Variants in GPHN observed in about 807,000 individuals in gnomAD.
GPHN encodes the protein gephyrin.
GPHN carries 17 observed loss-of-function variants against 95.5 expected under a neutral mutation model. The ratio of observed to expected loss-of-function variants is 0.18; its 90% CI spans 0.12 to 0.27. GPHN has a LOEUF of 0.27. Ranked by LOEUF, GPHN falls within the 10% of genes least tolerant of loss-of-function variation. GPHN has a pLI of 1.00. For synonymous variants in GPHN, 320 were observed against 322.5 expected (o/e 0.99, Z 0.08); for missense variants, 660 against 978.1 (o/e 0.67, Z 4.34).
At chr14:67,404,056 T>A in the GPHN span, among the ~76,000 whole-genome samples, 1 of 151,190 alleles carries the variant, frequency 6.6e-6, no homozygotes, top group African/African-American at 2.4e-5. Flanking sequence ...GCCAAAAAAA[T>A]TTTTGAAAGA....
the GPHN span, among the ~76,000 whole-genome samples, chr14:67,345,402 CAA>C: frequency 3.3e-5 from 5 of 151,728 alleles, no homozygotes; most frequent in Non-Finnish European, 7.4e-5. Flanking sequence ...ACAAAAAATA[CAA>C]AAGTTAGCCA....
the GPHN span, chr14:67,585,635 T>C: frequency 6.4e-7 from 1 of 1,573,536 alleles, no homozygotes; most frequent in Non-Finnish European, 8.6e-7. Flanking sequence ...GGCGTCAGCA[T>C]CCTGGACCAC....
chr14:67,149,247 G>A (rs928830559), intron 18 of GPHN, among the ~76,000 whole-genome samples: 1 of 152,188 alleles, frequency 6.6e-6, no homozygotes, highest in Admixed American at 6.5e-5. Context: ...GGGAGGCTGA[G>A]GCAGGAGAAC....
At chr14:67,226,604 G>A in the GPHN span, among the ~76,000 whole-genome samples, 9 of 151,830 alleles carry the variant, frequency 5.9e-5, no homozygotes, top group African/African-American at 7.3e-5. Flanking sequence ...CAAGTGATCC[G>A]CCCGCCTCAG....
the GPHN span, among the ~76,000 whole-genome samples, chr14:67,504,331 T>C: frequency 1.7e-4 from 26 of 152,188 alleles, no homozygotes; most frequent in Admixed American, 2.0e-4. Context: ...GTTTGTAAAA[T>C]AGAGAAAATA....
chr14:67,568,121 G>GA, the GPHN span, among the ~76,000 whole-genome samples: 1 of 152,068 alleles, frequency 6.6e-6, no homozygotes, highest in Non-Finnish European at 1.5e-5. Flanking sequence ...TCCTGCAGGG[G>GA]AAAAAACGTG....
chr14:67,029,720 A>G (rs915664859), intron 10 of GPHN, among the ~76,000 whole-genome samples: 2 of 152,240 alleles, frequency 1.3e-5, no homozygotes, highest in African/African-American at 4.8e-5. Flanking sequence ...GGAATAACAA[A>G]TTAAGCTTTA....
At chr14:67,250,034 A>G in the GPHN span, among the ~76,000 whole-genome samples, 1 of 152,066 alleles carries the variant, frequency 6.6e-6, no homozygotes, top group Admixed American at 6.5e-5. Flanking sequence ...AAGCTGTTCT[A>G]TTTTGTTTTT....
chr14:67,630,220 AT>A, the GPHN span, among the ~76,000 whole-genome samples: 1 of 152,230 alleles, frequency 6.6e-6, no homozygotes, highest in African/African-American at 2.4e-5. Context: ...TGAAATGGGT[AT>A]CATAGATAAC....
At chr14:66,877,410 T>G (rs1178417604) in intron 4 of GPHN, among the ~76,000 whole-genome samples, 3 of 152,208 alleles carry the variant, frequency 2.0e-5, no homozygotes, top group African/African-American at 7.2e-5. Flanking sequence ...GAGAAAGAAA[T>G]AAAGGGTATT....
chr14:67,390,292 G>C, the GPHN span, among the ~76,000 whole-genome samples: 1 of 152,184 alleles, frequency 6.6e-6, no homozygotes, highest in Non-Finnish European at 1.5e-5. Context: ...GAATTAATGG[G>C]ATCTTTGAAT....
chr14:67,085,623 G>A (rs1039474442), intron 11 of GPHN, among the ~76,000 whole-genome samples: 1 of 152,222 alleles, frequency 6.6e-6, no homozygotes, highest in Non-Finnish European at 1.5e-5. Context: ...GGGTGTAAAA[G>A]TGACTATACT....
chr14:67,178,007 G>GAATACAGCACAGC (rs2083098763), intron 21 of GPHN, among the ~76,000 whole-genome samples: 2 of 152,134 alleles, frequency 1.3e-5, no homozygotes, highest in Admixed American at 1.3e-4. Context: ...GATGGGTCTT[G>GAATACAGCACAGC]ACTGTCCAAT....
At chr14:67,038,120 C>T (rs149502310) in intron 10 of GPHN, among the ~76,000 whole-genome samples, 1 of 152,034 alleles carries the variant, frequency 6.6e-6, no homozygotes, top group African/African-American at 2.4e-5. Flanking sequence ...TATTATTGAG[C>T]CTCCAAAAAA....
the GPHN span, among the ~76,000 whole-genome samples, chr14:67,416,859 T>A: frequency 6.6e-6 from 1 of 152,262 alleles, no homozygotes; most frequent in African/African-American, 2.4e-5. Flanking sequence ...AGGTGAGGCT[T>A]CTCACACTAT....
the GPHN span, among the ~76,000 whole-genome samples, chr14:67,632,913 C>T: frequency 4.8e-5 from 7 of 146,522 alleles, no homozygotes; most frequent in East Asian, 2.1e-4. Context: ...CTCCGCCTCC[C>T]GGGTTCACAC....
chr14:66,622,643 A>G, intron 1 of GPHN, among the ~76,000 whole-genome samples: 1 of 152,216 alleles, frequency 6.6e-6, no homozygotes, highest in Non-Finnish European at 1.5e-5. Flanking sequence ...TCCATCAGAT[A>G]CCCTAAATCA....
the GPHN span, among the ~76,000 whole-genome samples, chr14:67,497,391 C>T: frequency 6.6e-6 from 1 of 152,088 alleles, no homozygotes; most frequent in Non-Finnish European, 1.5e-5. Context: ...GCAGGTATCC[C>T]AGTCCTGGGC....
the GPHN span, among the ~76,000 whole-genome samples, chr14:67,563,674 C>CCA: frequency 6.6e-6 from 1 of 150,874 alleles, no homozygotes; most frequent in African/African-American, 2.4e-5. Context: ...CTCAGGTGAT[C>CCA]CACCCTCTTG....
Sources: allele counts gnomAD v4.1 joint callset (sites outside exome capture counted in the v4.1 genomes callset), GRCh38; gene constraint gnomAD v4.1.1; transcripts MANE v1.5; gene names NCBI Gene and HGNC (gene_info 2026-07-23, HGNC 2026-07-21).